The following CYP7B1 variants were observed in gnomAD, a reference collection of about 807,000 sequenced individuals.
CYP7B1 encodes the protein cytochrome P450 family 7 subfamily B member 1, also known as cytochrome P450 7B1.
Under a neutral mutation model 42.7 loss-of-function variants are expected in CYP7B1, and 29 were observed. That is an observed-to-expected ratio of 0.68 (90% CI 0.51 to 0.93). The LOEUF is 0.93. Among genes scored for constraint, CYP7B1 ranks in the 40% least tolerant of loss-of-function variants. The probability of loss-of-function intolerance (pLI) is 0.00; values close to 1 mark genes in which losing one functional copy is unlikely to be tolerated. For synonymous variants in CYP7B1, 235 were observed against 218.2 expected (o/e 1.08, Z -0.68); for missense variants, 655 against 600.5 (o/e 1.09, Z -0.95).
At chr8:64,763,056 C>T (rs936897156) in intron 1 of CYP7B1, among the ~76,000 whole-genome samples, 2 of 152,130 alleles carry the variant, frequency 1.3e-5, no homozygotes, top group Admixed American at 6.5e-5. Flanking sequence ...TGTTATGGCT[C>T]GAGCTGAGCT....
At chr8:64,626,237 A>C (rs1016034297) in intron 1 of CYP7B1, among the ~76,000 whole-genome samples, 3 of 152,176 alleles carry the variant, frequency 2.0e-5, no homozygotes, top group African/African-American at 7.2e-5. Flanking sequence ...TAGAAACATT[A>C]GTCAGTTAAC....
rs900687611 is a variant in CYP7B1, at chr8:64,596,298, C to A, written c.*344G>T. The A allele has an allele frequency of 1.6e-5, 3 of 188,948 alleles. No individual in the cohort carries two copies. In the South Asian group the frequency reaches 2.7e-4, roughly 17 times the overall value. The allele number at this position is 188,948 out of a possible 1,614,324, so 11.7% of individuals were successfully genotyped here. On this transcript the variant is annotated 3_prime_UTR_variant, in exon 6 of 6. Transcript: ENST00000310193. ...AAGTGTAATTTTACATATTAGAGAA[C>A]AATTTGAGTGATTTAAATTCCACAG...
chr8:64,765,780 C>CAA (rs1317557913), intron 1 of CYP7B1, among the ~76,000 whole-genome samples: 1 of 152,080 alleles, frequency 6.6e-6, no homozygotes, highest in Non-Finnish European at 1.5e-5. Flanking sequence ...ATGTTCCCCC[C>CAA]AAGGCAAAAA....
intron 1 of CYP7B1, among the ~76,000 whole-genome samples, chr8:64,767,322 C>CAGAAA (rs71300646): frequency 0.27 from 40,697 of 151,748 alleles, 6,676 homozygotes; most frequent in African/African-American, 0.46. Flanking sequence ...CCAGGTTCAT[C>CAGAAA]GGAAAGGAAA....
intron 1 of CYP7B1, among the ~76,000 whole-genome samples, chr8:64,767,360 A>C (rs1195627488): frequency 6.6e-6 from 1 of 152,206 alleles, no homozygotes; most frequent in Non-Finnish European, 1.5e-5. Flanking sequence ...TGCCAAGCGG[A>C]TATTGAAGCC....
At chr8:64,700,125 C>G (rs1201043056) in intron 1 of CYP7B1, among the ~76,000 whole-genome samples, 1 of 152,126 alleles carries the variant, frequency 6.6e-6, no homozygotes, top group Non-Finnish European at 1.5e-5. Flanking sequence ...TAGAATTCAC[C>G]ATGCACACAC....
chr8:64,627,349 A>C (rs1805623655), intron 1 of CYP7B1, among the ~76,000 whole-genome samples: 1 of 152,234 alleles, frequency 6.6e-6, no homozygotes, highest in Non-Finnish European at 1.5e-5. Flanking sequence ...GTAGAGTAGG[A>C]TCCCCAAGTT....
chr8:64,634,987 A>G (rs531432473), intron 1 of CYP7B1, among the ~76,000 whole-genome samples: 2 of 152,300 alleles, frequency 1.3e-5, no homozygotes, highest in Non-Finnish European at 2.9e-5. Flanking sequence ...GTTGCAGTGC[A>G]GCTGTTGGAC....
intron 2 of CYP7B1, among the ~76,000 whole-genome samples, chr8:64,623,637 T>C (rs1396474104): frequency 1.3e-5 from 2 of 152,236 alleles, no homozygotes; most frequent in Non-Finnish European, 2.9e-5. Context: ...TTGGGGTGTG[T>C]AGCAATTCTG....
chr8:64,670,989 A>G (rs1806358841), intron 1 of CYP7B1, among the ~76,000 whole-genome samples: 1 of 152,126 alleles, frequency 6.6e-6, no homozygotes, highest in Admixed American at 6.5e-5. Context: ...TGGGTCATAG[A>G]CACAAGGAGA....
chr8:64,746,152 A>G (rs1563412953), intron 1 of CYP7B1, among the ~76,000 whole-genome samples: 1 of 152,172 alleles, frequency 6.6e-6, no homozygotes, highest in Non-Finnish European at 1.5e-5. Flanking sequence ...TCCCTTTCTT[A>G]AGTCAATATA....
At chr8:64,670,062 C>T (rs1431731884) in intron 1 of CYP7B1, among the ~76,000 whole-genome samples, 2 of 152,192 alleles carry the variant, frequency 1.3e-5, no homozygotes, top group Non-Finnish European at 1.5e-5. Flanking sequence ...TTTGTCCCTG[C>T]AAGGACACAA....
intron 1 of CYP7B1, among the ~76,000 whole-genome samples, chr8:64,738,951 T>C (rs996633223): frequency 2.6e-5 from 4 of 152,200 alleles, no homozygotes; most frequent in Non-Finnish European, 4.4e-5. Context: ...CCCAACACTT[T>C]TATGGGTTTT....
In CYP7B1 at chr8:64,590,868, T is replaced by C. The variant is rs894263520; in HGVS notation, c.*5774A>G. On this transcript the variant is annotated 3_prime_UTR_variant, in exon 6 of 6. Transcript: ENST00000310193. The stretch of plus-strand genomic sequence containing the variant: ...CAGTCATCTGTGCTTTAAAGTTAAT[T>C]TATTAAATTTTTGTTGTACATAAAA... Among the ~76,000 whole-genome samples, 4 of 152,142 alleles carry C rather than the reference T, an allele frequency of 2.6e-5. No individual in the cohort carries two copies. The highest frequency in any genetic ancestry group is 4.8e-5 in the African/African-American group (2 of 41,456).
intron 1 of CYP7B1, among the ~76,000 whole-genome samples, chr8:64,700,231 C>T (rs556206042): frequency 6.6e-6 from 1 of 152,152 alleles, no homozygotes; most frequent in East Asian, 1.9e-4. Context: ...CACAGCAACA[C>T]TGTCAATCAT....
chr8:64,672,846 C>T (rs144279790), intron 1 of CYP7B1, among the ~76,000 whole-genome samples: 1 of 152,108 alleles, frequency 6.6e-6, no homozygotes, highest in African/African-American at 2.4e-5. Context: ...AAAGGCAGGG[C>T]AATCATCAAT....
At chr8:64,667,183 C>G (rs1030548319) in intron 1 of CYP7B1, among the ~76,000 whole-genome samples, 10 of 152,146 alleles carry the variant, frequency 6.6e-5, no homozygotes, top group Admixed American at 5.2e-4. Context: ...AGAAACCCCA[C>G]CCTGTCGAAA....
intron 1 of CYP7B1, among the ~76,000 whole-genome samples, chr8:64,677,812 G>A (rs1445815878): frequency 2.2e-5 from 3 of 138,584 alleles, no homozygotes; most frequent in Non-Finnish European, 4.5e-5. Context: ...TTGTCATGTA[G>A]TTAGCATACT....
chr8:64,671,327 CT>C (rs1055150435), intron 1 of CYP7B1, among the ~76,000 whole-genome samples: 3 of 152,180 alleles, frequency 2.0e-5, no homozygotes, highest in African/African-American at 7.2e-5. Context: ...GTCAACTAAA[CT>C]TTTTACATCA....
Sources: allele counts gnomAD v4.1 joint callset (sites outside exome capture counted in the v4.1 genomes callset), GRCh38; gene constraint gnomAD v4.1.1; transcripts MANE v1.5; gene names NCBI Gene and HGNC (gene_info 2026-07-23, HGNC 2026-07-21).